Variants in USP12 observed in about 807,000 individuals in gnomAD.
USP12 encodes the protein ubiquitin carboxyl-terminal hydrolase 12.
A neutral mutation model predicts 45.5 loss-of-function variants in USP12; 19 were observed. The observed-to-expected ratio is 0.42, with a 90% CI of 0.29 to 0.61. The LOEUF (loss-of-function observed/expected upper bound fraction) is 0.61, where lower values mean the gene tolerates loss of function less well. USP12 is among the 20% of genes least tolerant of loss of function. The pLI is 0.22. For missense variants in USP12, 242 were observed against 447.7 expected, an observed-to-expected ratio of 0.54 and a Z score of 4.15; for synonymous variants, 149 against 148.8, an observed-to-expected ratio of 1.00 and a Z score of -0.01.
At chr13:27,111,438 T>C (rs1875441188) in intron 2 of USP12, among the ~76,000 whole-genome samples, 1 of 152,202 alleles carries the variant, frequency 6.6e-6, no homozygotes, top group Non-Finnish European at 1.5e-5. Context: ...TGCTGTGTTA[T>C]CTCAGCTGGT....
intron 3 of USP12, among the ~76,000 whole-genome samples, chr13:27,104,593 G>C (rs899154199): frequency 2.0e-5 from 3 of 152,156 alleles, no homozygotes; most frequent in Non-Finnish European, 4.4e-5. Context: ...GTATTTTTAT[G>C]AGCAATTAAT....
chr13:27,104,464 T>C, intron 3 of USP12, among the ~76,000 whole-genome samples: 1 of 152,200 alleles, frequency 6.6e-6, no homozygotes, highest in East Asian at 1.9e-4. Flanking sequence ...TGAGAAGACT[T>C]AACTGCTCAA....
intron 7 of USP12, among the ~76,000 whole-genome samples, chr13:27,072,876 C>T (rs1873309734): frequency 6.6e-6 from 1 of 152,200 alleles, no homozygotes; most frequent in East Asian, 1.9e-4. Flanking sequence ...ACACCCTCCA[C>T]ACTTTCATAT....
intron 2 of USP12, among the ~76,000 whole-genome samples, chr13:27,108,731 T>C (rs1405725015): frequency 2.0e-5 from 3 of 152,140 alleles, no homozygotes; most frequent in Non-Finnish European, 4.4e-5. Context: ...CCAAGGCAGG[T>C]GGATCAGTTG....
At chr13:27,167,074 C>A (rs1244327207) in intron 1 of USP12, among the ~76,000 whole-genome samples, 2 of 152,042 alleles carry the variant, frequency 1.3e-5, no homozygotes, top group Admixed American at 6.5e-5. Context: ...CCAGCCTGAC[C>A]AACATGGAGA....
intron 1 of USP12, among the ~76,000 whole-genome samples, chr13:27,135,478 C>T (rs376037262): frequency 9.9e-4 from 150 of 152,062 alleles, no homozygotes; most frequent in African/African-American, 3.5e-3. Context: ...TTTCGGAGGC[C>T]GAGGCAGATG....
At chr13:27,093,109 C>G (rs1041003487) in intron 4 of USP12, among the ~76,000 whole-genome samples, 2 of 151,950 alleles carry the variant, frequency 1.3e-5, no homozygotes, top group Admixed American at 1.3e-4. Flanking sequence ...CACAAGAGAA[C>G]CACTTGAACC....
intron 3 of USP12, among the ~76,000 whole-genome samples, chr13:27,100,470 A>G (rs533715857): frequency 6.6e-6 from 1 of 152,218 alleles, no homozygotes; most frequent in South Asian, 2.1e-4. Flanking sequence ...ATACAGCCAT[A>G]CTATGACCCT....
At chr13:27,111,876 A>G (rs1470421253) in intron 2 of USP12, among the ~76,000 whole-genome samples, 8 of 152,194 alleles carry the variant, frequency 5.3e-5, no homozygotes, top group Non-Finnish European at 1.2e-4. Context: ...TGTGATGTTC[A>G]GTTATTTGGA....
In USP12 at chr13:27,095,844, CATTAT is replaced by C. The variant is rs1565987799; in HGVS notation, c.344-19_344-15del. 3.9e-6 allele frequency: 6 copies of C among 1,551,782 alleles called. No individual in the cohort carries two copies. The highest frequency in any genetic ancestry group is 4.3e-6 in the Non-Finnish European group (5 of 1,150,396). On this transcript the variant is annotated splice_polypyrimidine_tract_variant and intron_variant, in intron 3 of 8. Coordinates refer to ENST00000282344, the MANE Select transcript of USP12 (RefSeq NM_182488.4). ...TGTCAAAAAGCTCTGAAAATAAAAA[CATTAT>C]ATTAGAGAATTATTTCAGAATTCAT...
intron 3 of USP12, among the ~76,000 whole-genome samples, chr13:27,103,172 G>A (rs919021607): frequency 2.0e-5 from 3 of 152,136 alleles, no homozygotes; most frequent in Non-Finnish European, 2.9e-5. Context: ...AATTAATTTA[G>A]TAAGAACCAT....
intron 2 of USP12, among the ~76,000 whole-genome samples, chr13:27,114,294 C>T (rs1347223100): frequency 1.3e-5 from 2 of 151,212 alleles, no homozygotes; most frequent in African/African-American, 4.9e-5. Context: ...AAATCACTCT[C>T]TATCAGCTCT....
At chr13:27,104,191 C>T (rs934846348) in intron 3 of USP12, among the ~76,000 whole-genome samples, 9 of 152,052 alleles carry the variant, frequency 5.9e-5, no homozygotes, top group African/African-American at 2.2e-4. Flanking sequence ...CCACCACATC[C>T]GATTAATTTT....
chr13:27,130,136 G>C (rs373140132), intron 1 of USP12, among the ~76,000 whole-genome samples: 2 of 152,134 alleles, frequency 1.3e-5, no homozygotes, highest in Admixed American at 1.3e-4. Context: ...TAGAGCAGCT[G>C]CCTAGTAACA....
intron 2 of USP12, among the ~76,000 whole-genome samples, chr13:27,108,276 C>T (rs1214641578): frequency 4.6e-5 from 7 of 151,750 alleles, no homozygotes; most frequent in African/African-American, 9.7e-5. Flanking sequence ...AGGAAACTAT[C>T]GCAAGGACAA....
At chr13:27,145,990 A>T (rs768215879) in intron 1 of USP12, among the ~76,000 whole-genome samples, 1 of 152,214 alleles carries the variant, frequency 6.6e-6, no homozygotes, top group Non-Finnish European at 1.5e-5. Flanking sequence ...AATACCAGTT[A>T]CAGGTAATTA....
chr13:27,124,615 A>G (rs1260260878), intron 1 of USP12, among the ~76,000 whole-genome samples: 1 of 152,250 alleles, frequency 6.6e-6, no homozygotes, highest in Non-Finnish European at 1.5e-5. Context: ...CCGCCAAATC[A>G]GGCAGGAAAA....
intron 1 of USP12, chr13:27,162,744 A>G (rs965841041): frequency 5.3e-5 from 8 of 152,184 alleles, no homozygotes; most frequent in African/African-American, 1.9e-4. Flanking sequence ...AATACAATGA[A>G]AGTAAGTTTG....
intron 1 of USP12, among the ~76,000 whole-genome samples, chr13:27,126,192 G>C (rs1312392287): frequency 6.6e-6 from 1 of 152,230 alleles, no homozygotes; most frequent in Non-Finnish European, 1.5e-5. Flanking sequence ...GACTGGGAGT[G>C]CAGCCTGACT....
Sources: gnomAD v4.1 joint callset for allele counts (sites outside exome capture counted in the v4.1 genomes callset) on GRCh38, gnomAD v4.1.1 for gene constraint, MANE v1.5 for transcripts, NCBI Gene and HGNC (gene_info 2026-07-23, HGNC 2026-07-21) for gene names.